The following NTRK3 variants were observed in gnomAD, a reference collection of about 807,000 sequenced individuals.
The protein encoded by NTRK3 is neurotrophic receptor tyrosine kinase 3.
A neutral mutation model predicts 91.7 loss-of-function variants in NTRK3; 24 were observed. The observed-to-expected ratio is 0.26, with a 90% confidence interval of 0.19 to 0.37. The LOEUF is 0.37. Among genes scored for constraint, NTRK3 ranks in the 10% least tolerant of loss-of-function variants. The pLI, the probability that NTRK3 is intolerant of heterozygous loss-of-function variation, is 1.00. For missense variants in NTRK3, 880 were observed against 1,068.9 expected, an observed-to-expected ratio of 0.82 and a Z score of 2.46; for synonymous variants, 483 against 404.0, an observed-to-expected ratio of 1.20 and a Z score of -2.34.
intron 13 of NTRK3, among the ~76,000 whole-genome samples, chr15:88,091,527 A>G (rs2049013012): frequency 6.6e-6 from 1 of 152,370 alleles, no homozygotes; most frequent in East Asian, 1.9e-4. Flanking sequence ...CAAGCCTAAC[A>G]GTGCCATGAT....
At chr15:87,881,826 T>C (rs2065272900) in intron 17 of NTRK3, among the ~76,000 whole-genome samples, 2 of 152,292 alleles carry the variant, frequency 1.3e-5, no homozygotes, top group East Asian at 1.9e-4. Context: ...AGGGAAATCA[T>C]GTTTGCCTTA....
At chr15:87,987,524 GAT>G (rs1491501802) in intron 14 of NTRK3, among the ~76,000 whole-genome samples, 5 of 148,646 alleles carry the variant, frequency 3.4e-5, no homozygotes, top group Admixed American at 6.6e-5. Flanking sequence ...TAGATAGATA[GAT>G]GTGTGTGTGT....
chr15:88,090,243 G>T lies in NTRK3; in HGVS notation c.1396+36028C>A, dbSNP rs562421567. Among the ~76,000 whole-genome samples the T allele has an allele frequency of 2.7e-3, 412 of 152,170 alleles. 2 individuals carry two copies. Among genetic ancestry groups the T allele is most frequent in the Non-Finnish European group, 3.2e-3 (219 of 67,984 alleles). On this transcript the variant is annotated intron_variant, in intron 13 of 18. Transcript: ENST00000394480. ...TTATAGGTTCATTTGTTTGTTTATT[G>T]TTTGTCTCTCCTGCTCCCCACCTCG...
At chr15:87,950,743 A>ATGCCCTTAAAAGTTCGGG (rs1410444301) in intron 14 of NTRK3, among the ~76,000 whole-genome samples, 4 of 152,206 alleles carry the variant, frequency 2.6e-5, no homozygotes, top group Non-Finnish European at 5.9e-5. Flanking sequence ...CGAAGGAGCT[A>ATGCCCTTAAAAGTTCGGG]ATGCCCATAA....
At chr15:88,029,621 T>A (rs950756147) in intron 14 of NTRK3, among the ~76,000 whole-genome samples, 5 of 152,308 alleles carry the variant, frequency 3.3e-5, no homozygotes, top group South Asian at 2.1e-4. Context: ...GGAATCAGAA[T>A]GAGGAGACCC....
chr15:88,180,336 G>A (rs1316320223), intron 5 of NTRK3, among the ~76,000 whole-genome samples: 1 of 152,184 alleles, frequency 6.6e-6, no homozygotes, highest in Non-Finnish European at 1.5e-5. Context: ...GGTTTCCCTT[G>A]ATATGTATTC....
chr15:88,161,908 T>C (rs368622592), intron 5 of NTRK3, among the ~76,000 whole-genome samples: 2 of 152,256 alleles, frequency 1.3e-5, no homozygotes, highest in East Asian at 3.9e-4. Flanking sequence ...CCACAAGCAA[T>C]GCATTCCTGC....
chr15:88,073,556 G>T (rs2047271350), intron 13 of NTRK3, among the ~76,000 whole-genome samples: 1 of 152,120 alleles, frequency 6.6e-6, no homozygotes, highest in African/African-American at 2.4e-5. Context: ...GGAAGGGAGG[G>T]CAGTATAAGC....
intron 16 of NTRK3, among the ~76,000 whole-genome samples, chr15:87,931,730 T>C (rs1311926863): frequency 6.6e-6 from 1 of 152,222 alleles, no homozygotes; most frequent in Non-Finnish European, 1.5e-5. Context: ...GAAACCTGAC[T>C]CATAAGCAGA....
exon 19 of NTRK3, chr15:87,860,404 T>A (rs947025473): frequency 4.5e-6 from 1 of 221,224 alleles, no homozygotes; most frequent in African/African-American, 2.2e-5. Flanking sequence ...GGTGGGCACT[T>A]GCCTTTTCAA....
rs1479300338 is a variant in NTRK3 at position 88,171,984 on chromosome 15, T to C, written c.395+11434A>G. Among the ~76,000 whole-genome samples, 11 of 152,214 alleles carry C rather than the reference T, an allele frequency of 7.2e-5. No individual in the cohort carries two copies. In the East Asian group the frequency reaches 1.9e-3, roughly 27 times the overall value. On this transcript the variant is annotated intron_variant, in intron 5 of 18. Transcript: ENST00000394480. Reference sequence around the variant, plus strand: ...CCTCGCCTGGACCCCTCAGATGGGTTTCAAGGTGCATCTTGGGAGACCCTG... The same window carrying C: ...CCTCGCCTGGACCCCTCAGATGGGTCTCAAGGTGCATCTTGGGAGACCCTG...
chr15:87,892,985 T>G (rs747492580), intron 17 of NTRK3, among the ~76,000 whole-genome samples: 5 of 152,248 alleles, frequency 3.3e-5, no homozygotes, highest in Non-Finnish European at 7.3e-5. Context: ...TGTCAATATT[T>G]ACAATATTCT....
At chr15:88,256,377 G>T in exon 2 of NTRK3, 1 of 629,252 alleles carries the variant, frequency 1.6e-6, no homozygotes, top group Non-Finnish European at 2.8e-6. Context: ...GGTGGGAGCC[G>T]CGAGGAGCGC....
Position 88,254,268 on chromosome 15 carries a change from T to C in NTRK3, c.248+1638A>G, listed in dbSNP as rs532058753. On this transcript the variant is annotated intron_variant, in intron 3 of 18. Transcript: ENST00000394480. ...TTCCAAGTCTGAGTTTCCCTAACAGTCTCACTCTGAACCCTTCTCCCTGCA... is the reference window on the plus strand; with the variant it reads ...TTCCAAGTCTGAGTTTCCCTAACAGCCTCACTCTGAACCCTTCTCCCTGCA... Among the ~76,000 whole-genome samples the C allele has an allele frequency of 5.3e-5, 8 of 152,216 alleles. No individual in the cohort carries two copies. The East Asian group carries it at 1.6e-3, about 30-fold the overall frequency.
At chr15:87,978,919 G>A (rs1434232797) in intron 14 of NTRK3, 4 of 323,218 alleles carry the variant, frequency 1.2e-5, no homozygotes, top group Non-Finnish European at 2.3e-5. Context: ...TCCTGGGAGA[G>A]CCAGGGAGAC....
chr15:88,239,704 G>A (rs1297530950), intron 3 of NTRK3, among the ~76,000 whole-genome samples: 5 of 152,172 alleles, frequency 3.3e-5, no homozygotes, highest in Non-Finnish European at 7.3e-5. Flanking sequence ...CTGGCAGAAT[G>A]TGCTTGGGAG....
At position 88,043,704 on chromosome 15, in the gene NTRK3, A is replaced by T. The variant is rs2079871716; in HGVS notation, c.1397-10659T>A. Among the ~76,000 whole-genome samples, 3 of 152,218 alleles carry T rather than the reference A, an allele frequency of 2.0e-5. No homozygotes were observed. In the South Asian group the frequency reaches 6.2e-4, roughly 32 times the overall value. On this transcript the variant is annotated intron_variant, in intron 13 of 18. Transcript: ENST00000394480. ...AGGGAAATCTAATATCTAAAACCCCACTAGGTGATCCTGGATGGCTTCAAT... is the reference window on the plus strand; with the variant it reads ...AGGGAAATCTAATATCTAAAACCCCTCTAGGTGATCCTGGATGGCTTCAAT...
chr15:87,981,166 C>G, intron 14 of NTRK3: 1 of 1,551,288 alleles, frequency 6.4e-7, no homozygotes, highest in Non-Finnish European at 8.7e-7. Context: ...TCTTAAGAAC[C>G]AAAATTGGTT....
intron 13 of NTRK3, among the ~76,000 whole-genome samples, chr15:88,064,010 A>G (rs966127887): frequency 2.0e-5 from 3 of 152,222 alleles, no homozygotes; most frequent in African/African-American, 7.2e-5. Flanking sequence ...AAGGATTGGG[A>G]TGAGATCGTA....
Sources: allele counts gnomAD v4.1 joint callset (sites outside exome capture counted in the v4.1 genomes callset), GRCh38; gene constraint gnomAD v4.1.1; transcripts MANE v1.5; gene names NCBI Gene and HGNC (gene_info 2026-07-23, HGNC 2026-07-21).